The following HMGXB3 variants were observed in gnomAD, a reference collection of about 807,000 sequenced individuals.
HMGXB3 encodes the protein HMG domain-containing protein 3.
A neutral mutation model predicts 121.5 loss-of-function variants in HMGXB3; 45 were observed. The ratio of observed to expected loss-of-function variants is 0.37; its 90% confidence interval spans 0.29 to 0.47. The LOEUF (loss-of-function observed/expected upper bound fraction) is 0.47. HMGXB3 is among the 20% of genes least tolerant of loss of function. The pLI is 0.99. For missense variants in HMGXB3, 1,376 were observed against 1,602.2 expected (o/e 0.86, Z 2.41); for synonymous variants, 590 against 624.1 (o/e 0.95, Z 0.81).
rs188826424 is a variant in HMGXB3, at chr5:150,044,310, G to A, written c.2731-1156G>A. 2.0e-3 allele frequency among the ~76,000 whole-genome samples: 305 copies of A among 152,330 alleles called. 1 individual carries two copies. Among genetic ancestry groups the A allele is most frequent in the African/African-American group, 7.0e-3 (292 of 41,558 alleles). On this transcript the variant is annotated intron_variant, in intron 15 of 19. Transcript: ENST00000502717. ...TAAAGGAGGACCCTGTGGTTAGTTT[G>A]TGTACTGGGTTGGCATTTCCTGTTC...
chr5:150,035,531 T>TATA (rs1756481851), intron 11 of HMGXB3, among the ~76,000 whole-genome samples: 1 of 152,206 alleles, frequency 6.6e-6, no homozygotes, highest in Admixed American at 6.5e-5. Context: ...CAGAGCCATG[T>TATA]ATAATATGTC....
At position 150,010,358 on chromosome 5, in the gene HMGXB3, C is replaced by T. The variant is rs1338985057; in HGVS notation, c.560C>T (p.Ala187Val). ...GMAEQCLAVE[A>V]LAEEVGALTQ... is the part of the protein sequence containing the mutation. ...GCAGAGCAGTGCCTGGCTGTGGAGG[C>T]CCTGGCTGAGGAGGTGGGAGCCCTT... The change falls in exon 4 of 20, where the codon GCC becomes GTC. Residue 187 changes from alanine to valine, a missense_variant. Coordinates refer to ENST00000502717, the MANE Select transcript of HMGXB3 (RefSeq NM_014983.3). The T allele has an allele frequency of 6.4e-6, 10 of 1,551,592 alleles. No individual in the cohort carries two copies. The South Asian group carries it at 1.2e-4, about 18-fold the overall frequency.
chr5:150,030,753 C>G lies in HMGXB3; in HGVS notation c.1747C>G (p.Pro583Ala), dbSNP rs1756352710. ...GPGEVKLPSG[P>A]SNRTSQVKVV... ...TTCTGATCCACAGCTACCAAGTGGCCCATCCAACAGGACTTCTCAGGTGAA... is the reference window on the plus strand; with the variant it reads ...TTCTGATCCACAGCTACCAAGTGGCGCATCCAACAGGACTTCTCAGGTGAA... Residue 583 changes from proline to alanine, a missense_variant, in exon 10 of 20, where the codon CCA (proline) becomes GCA (alanine). By Grantham distance (27) the Pro-to-Ala change is conservative. Coordinates refer to ENST00000502717, the MANE Select transcript of HMGXB3 (RefSeq NM_014983.3). 1.3e-6 allele frequency: 2 copies of G among 1,551,904 alleles called. No homozygotes were observed. The highest frequency in any genetic ancestry group is 1.7e-6 in the Non-Finnish European group (2 of 1,146,932).
At chr5:150,044,220 T>C (rs1389129433) in intron 15 of HMGXB3, among the ~76,000 whole-genome samples, 2 of 152,180 alleles carry the variant, frequency 1.3e-5, no homozygotes, top group East Asian at 1.9e-4. Context: ...CAGGAAGTTA[T>C]TGAACAAAAC....
In HMGXB3 at chr5:150,041,805, G is replaced by T; in HGVS notation, c.2566G>T (p.Glu856Ter). The part of the protein sequence containing the change: ...EQTEKTLTSE[E>*]LSQLQELLCN... ...TTCAGAGAAGACTCTGACCTCGGAGGAGCTGAGCCAGCTGCAGGAGCTGCT... is the reference window on the plus strand; with the variant it reads ...TTCAGAGAAGACTCTGACCTCGGAGTAGCTGAGCCAGCTGCAGGAGCTGCT... The change falls in exon 15 of 20, where the codon GAG (glutamate) becomes TAG (stop). Residue 856 changes from glutamate to a stop codon, truncating the protein, a stop_gained. Transcript: ENST00000502717. LOFTEE classifies it high-confidence loss of function. The T allele has an allele frequency of 1.3e-6, 2 of 1,551,514 alleles. No individual in the cohort carries two copies. Among genetic ancestry groups the T allele is most frequent in the Non-Finnish European group, 1.7e-6 (2 of 1,146,868 alleles).
Position 150,011,621 on chromosome 5 carries a change from TG to T in HMGXB3, c.811-633del, listed in dbSNP as rs1242691827. 8.2e-4 allele frequency among the ~76,000 whole-genome samples: 123 copies of T among 150,106 alleles called. 1 individual carries two copies. Among genetic ancestry groups the T allele is most frequent in the African/African-American group, 2.8e-3 (116 of 40,720 alleles). On this transcript the variant is annotated intron_variant, in intron 4 of 19. Coordinates refer to ENST00000502717, the MANE Select transcript of HMGXB3 (RefSeq NM_014983.3). ...TTTTTTTGGTTTTTTTTTTTTTTTT[TG>T]AGACGGAGTTTTGCTCTTGTCACCC...
At chr5:150,043,386 T>C (rs1412596611) in intron 15 of HMGXB3, among the ~76,000 whole-genome samples, 1 of 152,220 alleles carries the variant, frequency 6.6e-6, no homozygotes, top group Non-Finnish European at 1.5e-5. Context: ...AACTCTACCA[T>C]AGTAAACAAG....
At chr5:150,032,677 A>G in intron 11 of HMGXB3, 74 bp downstream of exon 11, 1 of 1,503,478 alleles carries the variant, frequency 6.7e-7, no homozygotes. Context: ...AGTAGAAATA[A>G]GAAGATTTTT....
Position 150,052,024 on chromosome 5 carries a change from C to T in HMGXB3, c.3711C>T (p.Phe1237=). 1 of 1,551,924 alleles carries T rather than the reference C, an allele frequency of 6.4e-7. No individual in the cohort carries two copies. Among genetic ancestry groups the T allele is most frequent in the South Asian group, 1.2e-5 (1 of 84,062 alleles). ...ACCTCTACAACCGCCTCATGGACTT[C>T]CTCACCAGCCGCGAAATTGTCAATC... ...HYYLYNRLMD[F]LTSREIVNRQ... Residue 1237 remains phenylalanine (F), a synonymous_variant, in exon 20 of 20, where the codon TTC becomes TTT. Coordinates refer to ENST00000502717, the MANE Select transcript of HMGXB3 (RefSeq NM_014983.3).
At chr5:150,037,706 G>A (rs1756532638) in intron 13 of HMGXB3, among the ~76,000 whole-genome samples, 179 bp downstream of exon 13, 1 of 152,172 alleles carries the variant, frequency 6.6e-6, no homozygotes, top group Non-Finnish European at 1.5e-5. Context: ...CTCAAGTGTT[G>A]AAGCTCTCAA....
At chr5:150,020,291 T>C (rs1756058627) in intron 6 of HMGXB3, among the ~76,000 whole-genome samples, 1 of 152,242 alleles carries the variant, frequency 6.6e-6, no homozygotes, top group African/African-American at 2.4e-5. Context: ...TTGTGCCATC[T>C]TCTCTGATGT....
chr5:150,025,348 TA>T, intron 7 of HMGXB3, among the ~76,000 whole-genome samples: 1 of 152,320 alleles, frequency 6.6e-6, no homozygotes, highest in Admixed American at 6.5e-5. Context: ...CCCTTATTTG[TA>T]TCAATGGTTC....
At chr5:150,041,996 G>A in intron 15 of HMGXB3, 27 bp downstream of exon 15, 1 of 1,536,920 alleles carries the variant, frequency 6.5e-7, no homozygotes, top group Non-Finnish European at 8.8e-7. Flanking sequence ...CACCGTGAGG[G>A]ACCTGCGGAA....
intron 8 of HMGXB3, 52 bp from the exon 9 acceptor site, chr5:150,026,968 G>A: frequency 6.5e-7 from 1 of 1,538,324 alleles, no homozygotes; most frequent in Non-Finnish European, 8.8e-7. Context: ...ATAGAGACTT[G>A]GGGAGACTCT....
Position 150,006,570 on chromosome 5 carries a change from A to T in HMGXB3, c.235A>T (p.Ser79Cys). The T allele has an allele frequency of 6.4e-7, 1 of 1,552,230 alleles. No homozygotes were observed. The highest frequency in any genetic ancestry group is 1.2e-5 in the South Asian group (1 of 84,050). Residue 79 changes from serine to cysteine, a missense_variant, in exon 3 of 20, where the codon AGT (serine) becomes TGT (cysteine). By Grantham distance (112) the Ser-to-Cys change is moderately radical (BLOSUM62 -1). Coordinates refer to ENST00000502717, the MANE Select transcript of HMGXB3 (RefSeq NM_014983.3). ...QSEINKKISE[S>C]WRLLSVAERS... The stretch of plus-strand genomic sequence containing the variant: ...TGAGATCAATAAGAAGATTAGTGAG[A>T]GTTGGAGGCTTCTCAGCGTGGCCGA...
At chr5:150,017,812 G>A (rs1464675978) in intron 5 of HMGXB3, among the ~76,000 whole-genome samples, 1 of 152,190 alleles carries the variant, frequency 6.6e-6, no homozygotes, top group Non-Finnish European at 1.5e-5. Flanking sequence ...TCTAGAAGCG[G>A]AGCATGACTA....
intron 11 of HMGXB3, among the ~76,000 whole-genome samples, chr5:150,034,787 G>A (rs896183237): frequency 6.6e-6 from 1 of 152,202 alleles, no homozygotes; most frequent in Admixed American, 6.5e-5. Flanking sequence ...ACATCTCTGA[G>A]ATGGAATGGT....
In HMGXB3 at chr5:150,051,927, C is replaced by T; in HGVS notation, c.3614C>T (p.Ala1205Val). ...TTGGCACCTTACGCAACCATCCTGG[C>T]CTCCATCGTGGACAGCAAACCAAAC... The part of the protein sequence containing the change: ...PELAPYATIL[A>V]SIVDSKPNGV... The change falls in exon 20 of 20, where the codon GCC becomes GTC. Residue 1205 changes from alanine to valine, a missense_variant. By Grantham distance (64) the Ala-to-Val change is moderately conservative. Around this residue, in one of 2 missense-constraint regions of HMGXB3, gnomAD observed 260 missense variants for 233.2 expected, o/e 1.11. Transcript: ENST00000502717. The T allele has an allele frequency of 1.3e-6, 2 of 1,552,252 alleles. No individual in the cohort carries two copies. Among genetic ancestry groups the T allele is most frequent in the Non-Finnish European group, 1.7e-6 (2 of 1,147,138 alleles).
chr5:150,030,875 G>C, intron 10 of HMGXB3, 36 bp downstream of exon 10: 3 of 1,491,070 alleles, frequency 2.0e-6, no homozygotes, highest in Non-Finnish European at 2.7e-6. Context: ...GGTTGACATG[G>C]AGGTTGTTTT....
Sources: allele counts gnomAD v4.1 joint callset (sites outside exome capture counted in the v4.1 genomes callset), GRCh38; gene constraint gnomAD v4.1.1; regional missense constraint gnomAD v4.1.1; transcripts MANE v1.5; gene names NCBI Gene and HGNC (gene_info 2026-07-23, HGNC 2026-07-21).